Variants in CSMD3 observed in about 807,000 individuals in gnomAD.
The protein encoded by CSMD3 is CUB and Sushi multiple domains 3.
Under a neutral mutation model 435.2 loss-of-function variants are expected in CSMD3, and 177 were observed. The observed-to-expected ratio is 0.41, with a 90% CI of 0.36 to 0.46. The LOEUF (loss-of-function observed/expected upper bound fraction) is 0.46. CSMD3 is among the 20% of genes least tolerant of loss of function. The probability of loss-of-function intolerance (pLI) is 0.34; values close to 1 mark genes in which losing one functional copy is unlikely to be tolerated. For missense variants in CSMD3, 4,265 were observed against 4,504.6 expected (o/e 0.95, Z 1.52); for synonymous variants, 1,656 against 1,520.5 (o/e 1.09, Z -2.07).
chr8:113,268,475 T>C (rs984784919), intron 3 of CSMD3, among the ~76,000 whole-genome samples: 1 of 151,804 alleles, frequency 6.6e-6, no homozygotes, highest in Admixed American at 6.6e-5. Context: ...ATGGCAGACA[T>C]AATAAGGAAA....
At position 112,313,967 on chromosome 8, in the gene CSMD3, T is replaced by C. The variant is rs779463898; in HGVS notation, c.7635A>G (p.Val2545=). The change falls in exon 49 of 71, where the codon GTA becomes GTG. Residue 2545 remains valine (V), a synonymous_variant. Transcript: ENST00000297405. ...AFNITSNGHE[V]FLQWSADHGN... is the part of the protein sequence containing the mutation. ...CATGATCTGCTGACCACTGAAGAAA[T>C]ACTTCATGACCATTGCTTGTTATAT... The C allele has an allele frequency of 1.2e-6, 2 of 1,612,082 alleles. No homozygotes were observed. The highest frequency in any genetic ancestry group is 1.7e-5 in the Admixed American group (1 of 59,986).
chr8:112,631,488 T>C (rs574812160), intron 22 of CSMD3, among the ~76,000 whole-genome samples: 3 of 152,194 alleles, frequency 2.0e-5, no homozygotes, highest in East Asian at 3.9e-4. Context: ...TTGCTTGAAA[T>C]GCCACAACAC....
At chr8:112,686,243 C>G (rs1401710734) in intron 14 of CSMD3, among the ~76,000 whole-genome samples, 3 of 152,136 alleles carry the variant, frequency 2.0e-5, no homozygotes, top group Non-Finnish European at 2.9e-5. Context: ...GATAAACTAA[C>G]TTCTTTAACA....
chr8:112,876,306 A>G (rs2511537), intron 10 of CSMD3, among the ~76,000 whole-genome samples: 121,266 of 151,990 alleles, frequency 0.8, 49,174 homozygotes, highest in East Asian at 0.93. Context: ...AGAAAAAGAG[A>G]GACTCCTCCC....
chr8:113,029,604 T>C (rs1020990009), intron 5 of CSMD3, among the ~76,000 whole-genome samples: 29 of 151,500 alleles, frequency 1.9e-4, no homozygotes, highest in African/African-American at 5.8e-4. Context: ...CTTAGCAAAA[T>C]TGGCATACAA....
chr8:112,297,508 A>G (rs1820432293), intron 53 of CSMD3, among the ~76,000 whole-genome samples: 1 of 152,120 alleles, frequency 6.6e-6, no homozygotes, highest in Admixed American at 6.5e-5. Context: ...CAGAAAAAGT[A>G]TGTAGCAAAA....
intron 32 of CSMD3, among the ~76,000 whole-genome samples, chr8:112,448,902 A>T (rs1815946696): frequency 6.6e-6 from 1 of 152,152 alleles, no homozygotes; most frequent in African/African-American, 2.4e-5. Flanking sequence ...TAGAAAGTTG[A>T]GGGTGGATAT....
At chr8:113,234,568 A>G (rs2132208143) in intron 3 of CSMD3, among the ~76,000 whole-genome samples, 1 of 152,318 alleles carries the variant, frequency 6.6e-6, no homozygotes, top group South Asian at 2.1e-4. Context: ...CTAGAACACA[A>G]GGAAGAATTC....
At chr8:112,774,982 T>C (rs545083506) in intron 13 of CSMD3, among the ~76,000 whole-genome samples, 1 of 152,038 alleles carries the variant, frequency 6.6e-6, no homozygotes, top group East Asian at 1.9e-4. Flanking sequence ...AAATAATAAG[T>C]ACTTATAGAT....
chr8:112,908,357 A>T (rs2082319281), intron 10 of CSMD3, among the ~76,000 whole-genome samples: 2 of 151,486 alleles, frequency 1.3e-5, no homozygotes, highest in Admixed American at 6.6e-5. Context: ...TCTTTAAATA[A>T]GTTCTTTATG....
At chr8:112,708,632 G>A (rs1012822065) in intron 13 of CSMD3, among the ~76,000 whole-genome samples, 1 of 145,882 alleles carries the variant, frequency 6.9e-6, no homozygotes, top group Non-Finnish European at 1.5e-5. Context: ...TTTATGGGTT[G>A]TTAGGGTAAT....
At chr8:112,735,180 C>T (rs1435268047) in intron 13 of CSMD3, among the ~76,000 whole-genome samples, 2 of 152,000 alleles carry the variant, frequency 1.3e-5, no homozygotes, top group Non-Finnish European at 2.9e-5. Flanking sequence ...AATTACTCTA[C>T]CAATCTGGCT....
At position 112,816,807 on chromosome 8, in the gene CSMD3, C is replaced by T. The variant is rs200465363; in HGVS notation, c.1859+12879G>A. The stretch of plus-strand genomic sequence containing the variant: ...AGTAAGAATATTATTTATTAAAATA[C>T]TATTAAATTCAATAAATAAAAAATT... On this transcript the variant is annotated intron_variant, in intron 12 of 70. Coordinates refer to ENST00000297405, the MANE Select transcript of CSMD3 (RefSeq NM_198123.2). Among the ~76,000 whole-genome samples, 8 of 151,476 alleles carry T rather than the reference C, an allele frequency of 5.3e-5. No individual in the cohort carries two copies. The East Asian group carries it at 1.5e-3, about 29-fold the overall frequency.
At chr8:113,421,409 T>G (rs2094608071) in intron 1 of CSMD3, among the ~76,000 whole-genome samples, 1 of 152,198 alleles carries the variant, frequency 6.6e-6, no homozygotes, top group African/African-American at 2.4e-5. Flanking sequence ...GAAGAAAAAT[T>G]AACTATAATA....
intron 2 of CSMD3, among the ~76,000 whole-genome samples, chr8:113,295,504 A>G (rs2093714291): frequency 1.3e-5 from 2 of 152,216 alleles, no homozygotes; most frequent in Admixed American, 1.3e-4. Context: ...TAGCTATCTA[A>G]AGGTAGAGCA....
At chr8:112,564,243 C>G (rs1369848499) in intron 24 of CSMD3, among the ~76,000 whole-genome samples, 1 of 151,150 alleles carries the variant, frequency 6.6e-6, no homozygotes, top group Non-Finnish European at 1.5e-5. Context: ...CTTCTGTTTA[C>G]AGTGTCCCTT....
At chr8:112,256,867 A>G (rs1348892613) in intron 61 of CSMD3, among the ~76,000 whole-genome samples, 1 of 152,138 alleles carries the variant, frequency 6.6e-6, no homozygotes, top group African/African-American at 2.4e-5. Context: ...ATCCAAACTG[A>G]GAAACTTTTG....
At position 112,429,889 on chromosome 8, in the gene CSMD3, A is replaced by C. The variant is rs185008290; in HGVS notation, c.5396-20857T>G. ...GTTTAAAAATTATCAGTGATTTTTC[A>C]GTAAACAACATTCACAGAGAAGCCA... On this transcript the variant is annotated intron_variant, in intron 32 of 70. Coordinates refer to ENST00000297405, the MANE Select transcript of CSMD3 (RefSeq NM_198123.2). Among the ~76,000 whole-genome samples, 30 of 152,144 alleles carry C rather than the reference A, an allele frequency of 2.0e-4. No homozygotes were observed. The East Asian group carries it at 5.2e-3, about 26-fold the overall frequency.
At chr8:112,916,734 T>C (rs1403638070) in intron 10 of CSMD3, among the ~76,000 whole-genome samples, 2 of 151,950 alleles carry the variant, frequency 1.3e-5, no homozygotes, top group Non-Finnish European at 2.9e-5. Flanking sequence ...GGAAGCCTAC[T>C]AGAGCAACTT....
Sources: gnomAD v4.1 joint callset for allele counts (sites outside exome capture counted in the v4.1 genomes callset) on GRCh38, gnomAD v4.1.1 for gene constraint, MANE v1.5 for transcripts, NCBI Gene and HGNC (gene_info 2026-07-23, HGNC 2026-07-21) for gene names.